The following SGMS1 variants were observed in gnomAD, a reference collection of about 807,000 sequenced individuals.
The protein encoded by SGMS1 is phosphatidylcholine:ceramide cholinephosphotransferase 1.
In SGMS1, 13 loss-of-function variants were observed where a neutral mutation model predicts 46.2. The ratio of observed to expected loss-of-function variants is 0.28; its 90% CI spans 0.18 to 0.45. The LOEUF (loss-of-function observed/expected upper bound fraction) is 0.45. Among genes scored for constraint, SGMS1 ranks in the 20% least tolerant of loss-of-function variants. The pLI is 1.00. For missense variants in SGMS1, 324 were observed against 519.9 expected (o/e 0.62, Z 3.66); for synonymous variants, 203 against 187.8 (o/e 1.08, Z -0.66).
intron 2 of SGMS1, among the ~76,000 whole-genome samples, chr10:50,540,505 T>C (rs1564427486): frequency 6.6e-6 from 1 of 152,196 alleles, no homozygotes; most frequent in Non-Finnish European, 1.5e-5. Flanking sequence ...AACAGACTGC[T>C]ATCAAGGGGG....
At chr10:50,354,484 A>G (rs538957738) in intron 6 of SGMS1, among the ~76,000 whole-genome samples, 37 of 152,340 alleles carry the variant, frequency 2.4e-4, no homozygotes, top group African/African-American at 8.2e-4. Flanking sequence ...AAACCATAAA[A>G]ACCCTAGAAG....
chr10:50,539,215 G>C lies in SGMS1; in HGVS notation c.-588-19294C>G, dbSNP rs191445817. 3.8e-3 allele frequency among the ~76,000 whole-genome samples: 573 copies of C among 152,290 alleles called. 2 individuals carry two copies. The highest frequency in any genetic ancestry group is 6.2e-3 in the Non-Finnish European group (424 of 68,020). ...GCTGGACTGAGGAGATCTGACCCCT[G>C]TCTAGTTCCTTCCCGCCTGTGTCAG... On this transcript the variant is annotated intron_variant, in intron 2 of 10. Coordinates refer to ENST00000361781, the MANE Select transcript of SGMS1 (RefSeq NM_147156.4).
chr10:50,477,730 G>A (rs1343583151), intron 3 of SGMS1, among the ~76,000 whole-genome samples: 1 of 152,094 alleles, frequency 6.6e-6, no homozygotes, highest in Non-Finnish European at 1.5e-5. Context: ...TCATGATAGA[G>A]TTCTCACAAG....
chr10:50,363,241 G>A (rs1008884158), intron 6 of SGMS1, among the ~76,000 whole-genome samples: 1 of 152,180 alleles, frequency 6.6e-6, no homozygotes, highest in African/African-American at 2.4e-5. Context: ...GAACAGAAGA[G>A]GAGAAAACAG....
intron 4 of SGMS1, among the ~76,000 whole-genome samples, chr10:50,463,350 G>A (rs1837290347): frequency 6.6e-6 from 1 of 152,098 alleles, no homozygotes; most frequent in African/African-American, 2.4e-5. Context: ...ATTAAAAATT[G>A]GCAAAGGACT....
chr10:50,379,438 TTA>T (rs5784831), intron 6 of SGMS1, among the ~76,000 whole-genome samples: 3,920 of 149,832 alleles, frequency 0.026, 92 homozygotes, highest in African/African-American at 0.059. Context: ...GCATATACAT[TTA>T]TATATATATA....
At chr10:50,522,097 T>G (rs1448306371) in intron 2 of SGMS1, among the ~76,000 whole-genome samples, 2 of 152,158 alleles carry the variant, frequency 1.3e-5, no homozygotes, top group African/African-American at 4.8e-5. Context: ...TTACCATTCA[T>G]TACTCAGCAT....
chr10:50,357,520 A>G (rs1190720245), intron 6 of SGMS1, among the ~76,000 whole-genome samples: 1 of 152,146 alleles, frequency 6.6e-6, no homozygotes, highest in Admixed American at 6.5e-5. Context: ...CAATGCAACG[A>G]GACCTGGGGC....
At chr10:50,445,655 C>G (rs545069458) in intron 5 of SGMS1, among the ~76,000 whole-genome samples, 12 of 152,108 alleles carry the variant, frequency 7.9e-5, no homozygotes, top group African/African-American at 2.9e-4. Context: ...CCGTCATCTT[C>G]GTAAACTGAG....
chr10:50,344,091 T>A lies in SGMS1; in HGVS notation c.24A>T (p.Ser8=). The A allele has an allele frequency of 6.2e-7, 1 of 1,611,822 alleles. No homozygotes were observed. The highest frequency in any genetic ancestry group is 8.5e-7 in the Non-Finnish European group (1 of 1,178,952). Residue 8 remains serine (S), a synonymous_variant, in exon 7 of 11, where the codon TCA becomes TCT. Coordinates refer to ENST00000361781, the MANE Select transcript of SGMS1 (RefSeq NM_147156.4). ...GCAGCCAGTCTGCCACCTTCTTGGG[T>A]GACCAATAAACCACTTCCTTCATTG... MKEVVYW[S]PKKVADWLLE...
intron 1 of SGMS1, among the ~76,000 whole-genome samples, chr10:50,613,983 C>T (rs1838773953): frequency 1.3e-5 from 2 of 152,256 alleles, no homozygotes; most frequent in South Asian, 4.1e-4. Flanking sequence ...CAGTTTTCTG[C>T]TATAATTAAA....
At chr10:50,355,703 G>A (rs942329391) in intron 6 of SGMS1, among the ~76,000 whole-genome samples, 1 of 152,238 alleles carries the variant, frequency 6.6e-6, no homozygotes, top group Admixed American at 6.5e-5. Flanking sequence ...ACCCCGTCTA[G>A]GAAGTGAGGA....
chr10:50,546,434 G>T (rs911017733), intron 2 of SGMS1, among the ~76,000 whole-genome samples: 4 of 152,120 alleles, frequency 2.6e-5, no homozygotes, highest in Non-Finnish European at 5.9e-5. Context: ...TATGTTTATT[G>T]TGACACTATT....
rs112973639 is a variant in SGMS1, at chr10:50,618,551, A to G, written c.-684+5156T>C. On this transcript the variant is annotated intron_variant, in intron 1 of 10. Transcript: ENST00000361781. ...GAGTTCAAATTTACTAAGAAATCAT[A>G]TAAGTTCACAAAAAGAAAACCCAAT... 4.0e-3 allele frequency among the ~76,000 whole-genome samples: 607 copies of G among 152,352 alleles called. 2 individuals carry two copies. The highest frequency in any genetic ancestry group is 9.3e-3 in the African/African-American group (385 of 41,582).
intron 6 of SGMS1, among the ~76,000 whole-genome samples, chr10:50,416,056 A>G (rs1357191411): frequency 6.6e-6 from 1 of 152,250 alleles, no homozygotes; most frequent in Non-Finnish European, 1.5e-5. Context: ...TTCTCAGTTA[A>G]TATTTGAAAG....
At chr10:50,608,526 T>G (rs1838717828) in intron 1 of SGMS1, among the ~76,000 whole-genome samples, 1 of 152,220 alleles carries the variant, frequency 6.6e-6, no homozygotes, top group African/African-American at 2.4e-5. Context: ...AACACTGTGC[T>G]GAAGCCACCC....
chr10:50,560,407 A>C (rs974681932), intron 2 of SGMS1, among the ~76,000 whole-genome samples: 3 of 139,100 alleles, frequency 2.2e-5, no homozygotes, highest in Admixed American at 1.5e-4. Context: ...ATATTATAAT[A>C]CATATATTAC....
intron 3 of SGMS1, among the ~76,000 whole-genome samples, chr10:50,470,840 C>A (rs1489564488): frequency 6.6e-6 from 1 of 152,024 alleles, no homozygotes; most frequent in Non-Finnish European, 1.5e-5. Flanking sequence ...CATTAACTAC[C>A]CTGGGAGTTC....
chr10:50,380,378 CA>C (rs10646459), intron 6 of SGMS1, among the ~76,000 whole-genome samples: 4,152 of 121,306 alleles, frequency 0.034, 132 homozygotes, highest in African/African-American at 0.1. Context: ...GACTCTGTAT[CA>C]AAAAAAAAAA....
Sources: gnomAD v4.1 joint callset for allele counts (sites outside exome capture counted in the v4.1 genomes callset) on GRCh38, gnomAD v4.1.1 for gene constraint, MANE v1.5 for transcripts, NCBI Gene and HGNC (gene_info 2026-07-23, HGNC 2026-07-21) for gene names.